The following MELK variants were observed in gnomAD, a reference collection of about 807,000 sequenced individuals.
MELK encodes pEg3 kinase.
A neutral mutation model predicts 85.0 loss-of-function variants in MELK; 81 were observed. The ratio of observed to expected loss-of-function variants is 0.95; its 90% CI spans 0.80 to 1.15. The LOEUF (loss-of-function observed/expected upper bound fraction) is 1.15, where lower values mean the gene tolerates loss of function less well. Among genes scored for constraint, MELK ranks in the 50% most tolerant of loss-of-function variants. The pLI, the probability that MELK is intolerant of heterozygous loss-of-function variation, is 0.00. For missense variants in MELK, 754 were observed against 777.5 expected (o/e 0.97, Z 0.36); for synonymous variants, 252 against 265.0 (o/e 0.95, Z 0.48).
In MELK at chr9:36,636,242, G is replaced by A. The variant is rs183497954; in HGVS notation, c.834+3042G>A. Among the ~76,000 whole-genome samples the A allele has an allele frequency of 8.7e-3, 1,329 of 152,022 alleles. 26 individuals are homozygous for A. The highest frequency in any genetic ancestry group is 0.03 in the African/African-American group (1,232 of 41,498). ...AATTTGGCTGGGCACGGTGGCTCAC[G>A]CCTGTAATCCTAGCACTTTGGGAGG... On this transcript the variant is annotated intron_variant, in intron 10 of 17. Coordinates refer to ENST00000298048, the MANE Select transcript of MELK (RefSeq NM_014791.4).
intron 12 of MELK, among the ~76,000 whole-genome samples, chr9:36,652,277 C>T (rs1398604351): frequency 6.6e-6 from 1 of 150,462 alleles, no homozygotes; most frequent in Non-Finnish European, 1.5e-5. Flanking sequence ...AAACTCCTGA[C>T]CTCAAGTGAT....
chr9:36,615,575 G>A (rs1354689692), intron 8 of MELK, among the ~76,000 whole-genome samples: 28 of 133,766 alleles, frequency 2.1e-4, no homozygotes, highest in African/African-American at 8.8e-4. Context: ...GCTGCTGGGC[G>A]GAGAGGCTCC....
intron 7 of MELK, 135 bp from the exon 8 acceptor site, chr9:36,607,440 G>A: frequency 1.5e-6 from 1 of 671,582 alleles, no homozygotes; most frequent in Admixed American, 2.7e-5. Context: ...TATAGAATAA[G>A]CAGGTTGAAA....
chr9:36,599,080 G>C (rs1193458570), intron 6 of MELK, among the ~76,000 whole-genome samples: 1 of 152,144 alleles, frequency 6.6e-6, no homozygotes, highest in Non-Finnish European at 1.5e-5. Context: ...TGGATCACCT[G>C]AAGTCTGGAG....
At chr9:36,599,820 G>A (rs1005343713) in intron 7 of MELK, among the ~76,000 whole-genome samples, 11 of 152,174 alleles carry the variant, frequency 7.2e-5, no homozygotes, top group African/African-American at 2.7e-4. Flanking sequence ...AGAGATGCTG[G>A]TTAGCACAGA....
At chr9:36,576,497 A>C (rs745358241) in intron 1 of MELK, among the ~76,000 whole-genome samples, 7 of 151,970 alleles carry the variant, frequency 4.6e-5, no homozygotes, top group Non-Finnish European at 8.8e-5. Flanking sequence ...TTCCTTCTAA[A>C]GCTTCTGCTC....
At position 36,599,388 on chromosome 9, in the gene MELK, T is replaced by G; in HGVS notation, c.475-6T>G. 2 of 1,595,918 alleles carry G rather than the reference T, an allele frequency of 1.3e-6. No homozygotes were observed. The highest frequency in any genetic ancestry group is 2.2e-5 in the East Asian group (1 of 44,702). On this transcript the variant is annotated splice_region_variant and splice_polypyrimidine_tract_variant and intron_variant, in intron 6 of 17. Coordinates refer to ENST00000298048, the MANE Select transcript of MELK (RefSeq NM_014791.4). ...TTAATAAGTTTCATTTTTATCTTAT[T>G]GGCAGGGTAACAAGGATTACCATCT...
At chr9:36,635,175 G>A (rs1426209974) in intron 10 of MELK, among the ~76,000 whole-genome samples, 1 of 151,840 alleles carries the variant, frequency 6.6e-6, no homozygotes, top group African/African-American at 2.4e-5. Flanking sequence ...TCGAACTATG[G>A]GTATATGACA....
At chr9:36,596,951 C>T (rs189085870) in intron 5 of MELK, among the ~76,000 whole-genome samples, 32 of 152,162 alleles carry the variant, frequency 2.1e-4, no homozygotes, top group Middle Eastern at 3.4e-3. Flanking sequence ...TTGTTGTACC[C>T]GGACTTTTTA....
intron 4 of MELK, among the ~76,000 whole-genome samples, chr9:36,590,542 A>T (rs948631794): frequency 2.0e-5 from 3 of 152,220 alleles, no homozygotes; most frequent in African/African-American, 7.2e-5. Context: ...CTCTCTTCTT[A>T]AAAGGACCCA....
At chr9:36,600,384 A>G (rs939205161) in intron 7 of MELK, among the ~76,000 whole-genome samples, 6 of 145,112 alleles carry the variant, frequency 4.1e-5, no homozygotes, top group Non-Finnish European at 9.0e-5. Context: ...CCAGCCTCCA[A>G]ATCTTTCTTT....
At position 36,669,402 on chromosome 9, in the gene MELK, A is replaced by ACT. The variant is rs1293956490; in HGVS notation, c.1501_1502insCT (p.Arg501ThrfsTer58). On this transcript the variant is annotated frameshift_variant, in exon 15 of 18. Transcript: ENST00000298048. LOFTEE classifies it high-confidence loss of function. ...AATGACAGGTGTCATTAGCCCTGAG[A>ACT]GGCGGTAAGTGTTTGGTTTTTTTAG... is the stretch of plus-strand genomic sequence containing the variant. The ACT allele has an allele frequency of 6.3e-7, 1 of 1,591,702 alleles. No homozygotes were observed. The highest frequency in any genetic ancestry group is 8.5e-7 in the Non-Finnish European group (1 of 1,171,704).
chr9:36,677,314 A>C lies in MELK; in HGVS notation c.1933A>C (p.Ile645Leu). ...GGTTTACAAAAGATTAGTGGAAGAC[A>C]TCCTATCTAGCTGCAAGGTATAATT... is the stretch of plus-strand genomic sequence containing the variant. Reference protein sequence around the residue: ...AWVYKRLVEDILSSCKV With the variant: ...AWVYKRLVEDLLSSCKV Residue 645 changes from isoleucine to leucine, a missense_variant, in exon 18 of 18, where the codon ATC (isoleucine) becomes CTC (leucine). Transcript: ENST00000298048. 1 of 1,613,338 alleles carries C rather than the reference A, an allele frequency of 6.2e-7. No homozygotes were observed. Among genetic ancestry groups the C allele is most frequent in the Non-Finnish European group, 8.5e-7 (1 of 1,179,618 alleles).
chr9:36,649,435 C>G (rs1165002380), intron 11 of MELK, among the ~76,000 whole-genome samples: 1 of 152,018 alleles, frequency 6.6e-6, no homozygotes, highest in Non-Finnish European at 1.5e-5. Context: ...TGCAGTGACC[C>G]AAGATCGCGC....
chr9:36,677,015 A>G (rs1055799742), intron 17 of MELK, 145 bp from the exon 18 acceptor site: 8 of 612,822 alleles, frequency 1.3e-5, no homozygotes, highest in African/African-American at 1.1e-4. Context: ...AAGCATAGCT[A>G]GGTCATTTGG....
At chr9:36,653,764 C>T (rs1473110048) in intron 12 of MELK, among the ~76,000 whole-genome samples, 2 of 151,624 alleles carry the variant, frequency 1.3e-5, no homozygotes, top group Admixed American at 6.6e-5. Flanking sequence ...TTTTTTTCCC[C>T]TTTATAGGCC....
chr9:36,631,882 G>A (rs1359916925), intron 9 of MELK, among the ~76,000 whole-genome samples: 1 of 151,778 alleles, frequency 6.6e-6, no homozygotes, highest in Non-Finnish European at 1.5e-5. Flanking sequence ...GGCTGGTTTC[G>A]AACTCCTGAG....
intron 14 of MELK, among the ~76,000 whole-genome samples, chr9:36,667,066 C>G (rs1056585118): frequency 6.6e-6 from 1 of 152,056 alleles, no homozygotes; most frequent in East Asian, 1.9e-4. Flanking sequence ...ATACAGTACC[C>G]TTTGTGACTC....
At chr9:36,580,002 T>C (rs116351870) in intron 1 of MELK, among the ~76,000 whole-genome samples, 1,945 of 151,396 alleles carry the variant, frequency 0.013, 42 homozygotes, top group African/African-American at 0.044. Flanking sequence ...TTAGTTTGGG[T>C]TTTCCTGATG....
Sources: gnomAD v4.1 joint callset for allele counts (sites outside exome capture counted in the v4.1 genomes callset) on GRCh38, gnomAD v4.1.1 for gene constraint, MANE v1.5 for transcripts, NCBI Gene and HGNC (gene_info 2026-07-23, HGNC 2026-07-21) for gene names.